Variants in GRIN2B observed in about 807,000 individuals in gnomAD.
GRIN2B encodes the protein glutamate receptor ionotropic, NMDA 2B.
In GRIN2B, 5 loss-of-function variants were observed where a neutral mutation model predicts 114.5. That is an observed-to-expected ratio of 0.04 (90% CI 0.02 to 0.09). GRIN2B has a LOEUF of 0.09. GRIN2B is among the 10% of genes least tolerant of loss of function. The pLI is 1.00. For missense variants in GRIN2B, 1,108 were observed against 1,943.5 expected (o/e 0.57, Z 8.08); for synonymous variants, 787 against 745.1 (o/e 1.06, Z -0.92).
At chr12:13,653,388 G>A (rs1422990421) in intron 5 of GRIN2B, among the ~76,000 whole-genome samples, 1 of 152,020 alleles carries the variant, frequency 6.6e-6, no homozygotes, top group Non-Finnish European at 1.5e-5. Context: ...ATCAGGCTAT[G>A]CAGATTTGAA....
intron 3 of GRIN2B, among the ~76,000 whole-genome samples, chr12:13,754,809 C>T (rs565696107): frequency 7.9e-5 from 12 of 152,270 alleles, no homozygotes; most frequent in Admixed American, 7.2e-4. Context: ...GGGCATTGCA[C>T]ACACCCTCCC....
At chr12:13,840,444 A>T (rs1865358707) in intron 3 of GRIN2B, among the ~76,000 whole-genome samples, 1 of 152,136 alleles carries the variant, frequency 6.6e-6, no homozygotes, top group African/African-American at 2.4e-5. Flanking sequence ...CCTGATTTAG[A>T]TCCTGGCTGC....
At chr12:13,709,354 C>A (rs2136578417) in intron 4 of GRIN2B, among the ~76,000 whole-genome samples, 1 of 152,036 alleles carries the variant, frequency 6.6e-6, no homozygotes, top group South Asian at 2.1e-4. Flanking sequence ...ATTGTGATGA[C>A]ACAAATGTTC....
At chr12:13,838,514 A>G (rs546564097) in intron 3 of GRIN2B, among the ~76,000 whole-genome samples, 112 of 152,084 alleles carry the variant, frequency 7.4e-4, no homozygotes, top group Non-Finnish European at 1.2e-3. Context: ...CATTACTTCA[A>G]TGGCCTCTTC....
At chr12:13,916,710 TATACAC>T (rs1346534799) in intron 2 of GRIN2B, among the ~76,000 whole-genome samples, 2 of 100,258 alleles carry the variant, frequency 2.0e-5, no homozygotes, top group East Asian at 2.9e-4. Flanking sequence ...TACATATACA[TATACAC>T]ACACACACAC....
rs377597104 is a variant in GRIN2B at position 13,974,723 on chromosome 12, T to C, written c.-19+5205A>G. On this transcript the variant is annotated intron_variant, in intron 2 of 13. Coordinates refer to ENST00000609686, the MANE Select transcript of GRIN2B (RefSeq NM_000834.5). ...ATCTCTTTATACATGTCCACACCACTAGATCCTGGGCTACACCACTAGATC... is the reference window on the plus strand; with the variant it reads ...ATCTCTTTATACATGTCCACACCACCAGATCCTGGGCTACACCACTAGATC... Among the ~76,000 whole-genome samples the C allele has an allele frequency of 1.6e-4, 24 of 152,170 alleles. No homozygotes were observed. In the South Asian group the frequency reaches 5.0e-3, roughly 32 times the overall value.
chr12:13,871,128 T>A (rs1256779213), intron 2 of GRIN2B, among the ~76,000 whole-genome samples: 1 of 152,132 alleles, frequency 6.6e-6, no homozygotes. Context: ...TGACAAAAGA[T>A]CTTATTAACT....
At chr12:13,820,198 C>T (rs1266780578) in intron 3 of GRIN2B, among the ~76,000 whole-genome samples, 2 of 152,130 alleles carry the variant, frequency 1.3e-5, no homozygotes, top group Non-Finnish European at 2.9e-5. Flanking sequence ...CCCATGGAGC[C>T]CACATGAGCC....
chr12:13,976,479 C>A (rs774994466), intron 2 of GRIN2B, among the ~76,000 whole-genome samples: 2 of 152,128 alleles, frequency 1.3e-5, no homozygotes, highest in Non-Finnish European at 2.9e-5. Flanking sequence ...ACAAAATACA[C>A]AAGATGAGTG....
chr12:13,882,970 T>C (rs1215665358), intron 2 of GRIN2B, among the ~76,000 whole-genome samples: 1 of 152,214 alleles, frequency 6.6e-6, no homozygotes. Context: ...TTCTATAATT[T>C]GCTTCTCCCA....
At chr12:13,888,241 A>G (rs1196033875) in intron 2 of GRIN2B, among the ~76,000 whole-genome samples, 1 of 152,186 alleles carries the variant, frequency 6.6e-6, no homozygotes, top group Admixed American at 6.5e-5. Flanking sequence ...CACAGAGTGC[A>G]CTTCCACAAG....
intron 10 of GRIN2B, among the ~76,000 whole-genome samples, chr12:13,599,471 C>A (rs1949124032): frequency 1.3e-5 from 2 of 152,144 alleles, no homozygotes; most frequent in Non-Finnish European, 2.9e-5. Context: ...ATGCTTTTGG[C>A]CACATATAAA....
At chr12:13,792,998 A>G (rs1229610789) in intron 3 of GRIN2B, among the ~76,000 whole-genome samples, 1 of 152,242 alleles carries the variant, frequency 6.6e-6, no homozygotes, top group Non-Finnish European at 1.5e-5. Flanking sequence ...ATATTATACA[A>G]TCACAAAGTG....
At chr12:13,565,695 T>C (rs147001858) in intron 13 of GRIN2B, among the ~76,000 whole-genome samples, 2 of 152,330 alleles carry the variant, frequency 1.3e-5, no homozygotes, top group East Asian at 3.9e-4. Context: ...TGTGTCATTA[T>C]AATGAACGGG....
chr12:13,586,074 T>C (rs2136433335), intron 10 of GRIN2B, among the ~76,000 whole-genome samples: 1 of 152,322 alleles, frequency 6.6e-6, no homozygotes, highest in African/African-American at 2.4e-5. Context: ...AAAATGAAGT[T>C]CAATTTTTCC....
chr12:13,792,605 G>T (rs1229193407), intron 3 of GRIN2B, among the ~76,000 whole-genome samples: 1 of 152,190 alleles, frequency 6.6e-6, no homozygotes, highest in East Asian at 1.9e-4. Flanking sequence ...AAGGCTTCAG[G>T]CTCCCTGAGG....
chr12:13,842,723 C>T (rs1164416666), intron 3 of GRIN2B, among the ~76,000 whole-genome samples: 1 of 152,082 alleles, frequency 6.6e-6, no homozygotes, highest in Non-Finnish European at 1.5e-5. Context: ...AGTAGGCTAA[C>T]TTCTACAGTT....
At chr12:13,923,841 G>A (rs1866866688) in intron 2 of GRIN2B, among the ~76,000 whole-genome samples, 1 of 152,120 alleles carries the variant, frequency 6.6e-6, no homozygotes, top group South Asian at 2.1e-4. Flanking sequence ...TCTACCCTCA[G>A]CCCAAATGGA....
At chr12:13,649,631 G>A (rs1306444495) in intron 5 of GRIN2B, among the ~76,000 whole-genome samples, 2 of 151,954 alleles carry the variant, frequency 1.3e-5, no homozygotes, top group Non-Finnish European at 2.9e-5. Context: ...GATCACATGG[G>A]GTTAGGGTCC....
Sources: allele counts gnomAD v4.1 joint callset (sites outside exome capture counted in the v4.1 genomes callset), GRCh38; gene constraint gnomAD v4.1.1; transcripts MANE v1.5; gene names NCBI Gene and HGNC (gene_info 2026-07-23, HGNC 2026-07-21).